Variants in SNX24 observed in about 807,000 individuals in gnomAD.
SNX24 encodes the protein sorting nexin-24.
A neutral mutation model predicts 28.7 loss-of-function variants in SNX24; 22 were observed. The observed-to-expected ratio is 0.77, with a 90% CI of 0.55 to 1.10. The LOEUF is 1.10. SNX24 is among the 50% of genes least tolerant of loss of function. The pLI is 0.00. For missense variants in SNX24, 221 were observed against 201.1 expected (o/e 1.10, Z -0.60); for synonymous variants, 69 against 71.5 (o/e 0.96, Z 0.18).
chr5:122,912,701 G>A (rs1452306984), intron 1 of SNX24, among the ~76,000 whole-genome samples: 2 of 150,588 alleles, frequency 1.3e-5, no homozygotes, highest in African/African-American at 2.4e-5. Flanking sequence ...TTTGTCAAAG[G>A]CCTTTTCTGC....
rs370016876 is a variant in SNX24, at chr5:122,999,928, A to G, written c.266A>G (p.Asn89Ser). The change falls in exon 4 of 7, where the codon AAT (asparagine) becomes AGT (serine). Residue 89 changes from asparagine (N) to serine (S), a missense_variant. By Grantham distance (46) the Asn-to-Ser change is conservative. Transcript: ENST00000261369. ...CTTTCACAGGCTGTCATTTTAGAAA[A>G]TGAAGAACTTCCCAAACTGTTTCTT... Reference protein sequence around the residue: ...ETYLQAVILENEELPKLFLDF... With the variant: ...ETYLQAVILESEELPKLFLDF... The G allele has an allele frequency of 7.4e-6, 12 of 1,611,422 alleles. No homozygotes were observed. The highest frequency in any genetic ancestry group is 9.3e-6 in the Non-Finnish European group (11 of 1,177,644).
rs747778433 is a variant in SNX24 at position 122,897,622 on chromosome 5, C to CA, written c.61-39103dup. ...TGACAATACAAGAATATTGTAAAAA[C>CA]AAAAAAAAATTAACGTGCAATGAAT... On this transcript the variant is annotated intron_variant, in intron 1 of 6. Coordinates refer to ENST00000261369, the MANE Select transcript of SNX24 (RefSeq NM_014035.4). Among the ~76,000 whole-genome samples, 228 of 151,312 alleles carry CA rather than the reference C, an allele frequency of 1.5e-3. 1 individual carries two copies. Among genetic ancestry groups the CA allele is most frequent in the Middle Eastern group, 6.8e-3 (2 of 292 alleles).
At chr5:122,935,366 AT>A (rs998280818) in intron 1 of SNX24, among the ~76,000 whole-genome samples, 18 of 150,570 alleles carry the variant, frequency 1.2e-4, no homozygotes, top group African/African-American at 2.4e-4. Flanking sequence ...TAATAAACAG[AT>A]TTTTTTTTTC....
At chr5:122,981,950 G>T (rs548756212) in intron 3 of SNX24, among the ~76,000 whole-genome samples, 10 of 152,336 alleles carry the variant, frequency 6.6e-5, no homozygotes, top group African/African-American at 2.2e-4. Context: ...TTAAAATGTG[G>T]ATTTTGGAAC....
intron 5 of SNX24, among the ~76,000 whole-genome samples, chr5:123,028,311 G>A (rs1358174484): frequency 6.6e-6 from 1 of 152,300 alleles, no homozygotes; most frequent in East Asian, 1.9e-4. Flanking sequence ...TATGATGAAA[G>A]ATTTTGAAAG....
chr5:122,942,073 C>T (rs1380143401), intron 2 of SNX24, among the ~76,000 whole-genome samples: 3 of 152,274 alleles, frequency 2.0e-5, no homozygotes, highest in East Asian at 3.9e-4. Flanking sequence ...AGAGCTTTAC[C>T]TCCCTAGGCC....
chr5:122,915,982 C>G (rs768785442), intron 1 of SNX24, among the ~76,000 whole-genome samples: 1 of 152,268 alleles, frequency 6.6e-6, no homozygotes, highest in Non-Finnish European at 1.5e-5. Flanking sequence ...CATGCCCTCT[C>G]AGTAGTTTAT....
At chr5:122,910,004 A>C (rs1268326975) in intron 1 of SNX24, among the ~76,000 whole-genome samples, 2 of 152,254 alleles carry the variant, frequency 1.3e-5, no homozygotes, top group Non-Finnish European at 2.9e-5. Context: ...GAGAGCTTGT[A>C]GGTTCAAGGC....
intron 3 of SNX24, among the ~76,000 whole-genome samples, chr5:122,990,431 C>T (rs1486006231): frequency 1.3e-5 from 2 of 152,190 alleles, no homozygotes; most frequent in African/African-American, 4.8e-5. Flanking sequence ...AGAAAGTCCT[C>T]ATCTATCTAG....
chr5:123,020,566 A>G (rs1421019015), intron 5 of SNX24, among the ~76,000 whole-genome samples: 3 of 152,220 alleles, frequency 2.0e-5, no homozygotes, highest in Admixed American at 1.3e-4. Flanking sequence ...GTATTTTGCT[A>G]CCATAAATAT....
chr5:122,926,937 A>G (rs1367510136), intron 1 of SNX24, among the ~76,000 whole-genome samples: 2 of 152,206 alleles, frequency 1.3e-5, no homozygotes, highest in African/African-American at 4.8e-5. Flanking sequence ...GTAGAGATGT[A>G]TGAATGTGGT....
Position 123,021,385 on chromosome 5 carries a change from C to T in SNX24, n.384-7853C>T, listed in dbSNP as rs569694237. 3.6e-3 allele frequency among the ~76,000 whole-genome samples: 550 copies of T among 152,136 alleles called. 4 individuals are homozygous for T. Among genetic ancestry groups the T allele is most frequent in the African/African-American group, 0.012 (509 of 41,488 alleles). On this transcript the variant is annotated intron_variant and non_coding_transcript_variant, in intron 5 of 5. Coordinates refer to the SNX24 transcript ENST00000502387. Reference sequence around the variant, plus strand: ...TGTACCCATCTGTAGGGTCAGCCCACCCTAAGGACTAGAGATGGGTGAGGG... The same window carrying T: ...TGTACCCATCTGTAGGGTCAGCCCATCCTAAGGACTAGAGATGGGTGAGGG...
At chr5:122,881,639 T>G (rs2150061261) in intron 1 of SNX24, among the ~76,000 whole-genome samples, 1 of 152,274 alleles carries the variant, frequency 6.6e-6, no homozygotes, top group Middle Eastern at 3.4e-3. Context: ...AAGCTTCAGA[T>G]TCCTCATCTA....
intron 3 of SNX24, among the ~76,000 whole-genome samples, chr5:122,967,770 C>G (rs895718646): frequency 6.6e-6 from 1 of 152,134 alleles, no homozygotes; most frequent in African/African-American, 2.4e-5. Context: ...CTGCATTCAC[C>G]TAAACCTCAC....
At chr5:122,908,949 G>A (rs1270275042) in intron 1 of SNX24, among the ~76,000 whole-genome samples, 2 of 152,192 alleles carry the variant, frequency 1.3e-5, no homozygotes, top group African/African-American at 4.8e-5. Context: ...GCACTTGAGC[G>A]GGGAGTGAAG....
intron 1 of SNX24, among the ~76,000 whole-genome samples, chr5:122,866,970 G>A (rs1202483146): frequency 2.6e-5 from 4 of 152,182 alleles, no homozygotes; most frequent in Non-Finnish European, 5.9e-5. Flanking sequence ...TTGCTAGTGG[G>A]TCACTGGGGG....
At chr5:122,912,431 C>T (rs2150090989) in intron 1 of SNX24, among the ~76,000 whole-genome samples, 1 of 152,124 alleles carries the variant, frequency 6.6e-6, no homozygotes, top group African/African-American at 2.4e-5. Flanking sequence ...GACAATTTGA[C>T]TTCCTCTTTT....
chr5:122,879,462 G>A (rs1172469851), intron 1 of SNX24, among the ~76,000 whole-genome samples: 1 of 152,148 alleles, frequency 6.6e-6, no homozygotes, highest in East Asian at 1.9e-4. Flanking sequence ...GCTCAGTTGA[G>A]GAATATTGTT....
intron 3 of SNX24, among the ~76,000 whole-genome samples, chr5:122,997,202 A>C (rs1000921031): frequency 4.6e-5 from 7 of 152,206 alleles, no homozygotes; most frequent in African/African-American, 1.7e-4. Flanking sequence ...CCAAGCTTTT[A>C]AAACAGAGCT....
Sources: gnomAD v4.1 joint callset for allele counts (sites outside exome capture counted in the v4.1 genomes callset) on GRCh38, gnomAD v4.1.1 for gene constraint, MANE v1.5 for transcripts, NCBI Gene and HGNC (gene_info 2026-07-23, HGNC 2026-07-21) for gene names.